GLTP: variants seen among roughly 807,000 people sequenced by gnomAD.
GLTP encodes glycolipid transfer protein.
In GLTP, 22 loss-of-function variants were observed where a neutral mutation model predicts 24.0. That is an observed-to-expected ratio of 0.92 (90% CI 0.65 to 1.31). GLTP has a LOEUF of 1.31. GLTP is among the 50% of genes most tolerant of loss of function. GLTP has a pLI of 0.00. For missense variants in GLTP, 224 were observed against 276.6 expected, an observed-to-expected ratio of 0.81 and a Z score of 1.35; for synonymous variants, 92 against 115.9, an observed-to-expected ratio of 0.79 and a Z score of 1.33.
chr12:109,864,875 G>A (rs1365164041), intron 1 of GLTP, among the ~76,000 whole-genome samples: 1 of 152,138 alleles, frequency 6.6e-6, no homozygotes, highest in African/African-American at 2.4e-5. Flanking sequence ...TTGAGGCAGA[G>A]TCTCACTCCG....
rs187778234 is a variant in GLTP at position 109,851,141 on chromosome 12, T to C, written c.*1414A>G. 1.3e-5 allele frequency: 2 copies of C among 152,730 alleles called. No homozygotes were observed. The highest frequency in any genetic ancestry group is 4.8e-5 in the African/African-American group (2 of 41,556). The allele number at this position is 152,730 out of a possible 1,614,324, so 9.5% of individuals were successfully genotyped here. On this transcript the variant is annotated 3_prime_UTR_variant, in exon 5 of 5. Coordinates refer to ENST00000318348, the MANE Select transcript of GLTP (RefSeq NM_016433.4). ...GTTAAGGTTAAGGCAGTGAGGCGTT[T>C]TCTTGGATCTTAGCAGCTGAAGGGT...
At chr12:109,869,081 C>G (rs540086283) in intron 1 of GLTP, among the ~76,000 whole-genome samples, 1 of 152,108 alleles carries the variant, frequency 6.6e-6, no homozygotes, top group Non-Finnish European at 1.5e-5. Flanking sequence ...GGGTGGATCA[C>G]TTGAGGCCAG....
In GLTP at chr12:109,857,423, G is replaced by A. The variant is rs538406082; in HGVS notation, c.296+103C>T. 11 of 1,329,734 alleles carry A rather than the reference G, an allele frequency of 8.3e-6. No individual in the cohort carries two copies. The highest frequency in any genetic ancestry group is 2.7e-4 in the Middle Eastern group (1 of 3,724). 82.4% of individuals were successfully genotyped at this position (1,329,734 alleles called of 1,614,324 possible). A position where few individuals can be genotyped will look rare whatever the true frequency, so the allele number is the denominator to read the frequency against. Reference sequence around the variant, plus strand: ...AACTAGCATCACACTGGAAGGGCTCGGAAGTGACCTTCCCAGCCTGAGCTG... The same window carrying A: ...AACTAGCATCACACTGGAAGGGCTCAGAAGTGACCTTCCCAGCCTGAGCTG... On this transcript the variant is annotated intron_variant, in intron 3 of 4. Coordinates refer to ENST00000318348, the MANE Select transcript of GLTP (RefSeq NM_016433.4). The surrounding 1 kb of genome is among the most constrained non-coding windows in gnomAD (Gnocchi z 4.3).
chr12:109,868,089 T>C (rs1490607582), intron 1 of GLTP, among the ~76,000 whole-genome samples: 2 of 152,274 alleles, frequency 1.3e-5, no homozygotes, highest in African/African-American at 4.8e-5. Context: ...ACTGCAGCTT[T>C]GACCTCCGAG....
chr12:109,876,015 T>C (rs1006329279), intron 1 of GLTP, among the ~76,000 whole-genome samples: 1 of 152,150 alleles, frequency 6.6e-6, no homozygotes, highest in Admixed American at 6.5e-5. Context: ...TGTCCAACAG[T>C]AGGGGCTTGG....
chr12:109,867,502 C>T (rs1868566769), intron 1 of GLTP, among the ~76,000 whole-genome samples: 1 of 152,112 alleles, frequency 6.6e-6, no homozygotes, highest in African/African-American at 2.4e-5. Context: ...GAATCTCCTG[C>T]AAAGAGAAGG....
intron 1 of GLTP, among the ~76,000 whole-genome samples, chr12:109,862,356 C>G (rs535156871): frequency 5.9e-5 from 9 of 152,184 alleles, no homozygotes; most frequent in Admixed American, 5.2e-4. Context: ...TCTTCCAGCA[C>G]TGCTACTGCT....
intron 1 of GLTP, among the ~76,000 whole-genome samples, chr12:109,864,894 G>A (rs1351659011): frequency 6.6e-6 from 1 of 151,934 alleles, no homozygotes; most frequent in Admixed American, 6.6e-5. Context: ...CGTTGCCCAG[G>A]CTGGAGTGCA....
chr12:109,863,036 G>A (rs539694449), intron 1 of GLTP, among the ~76,000 whole-genome samples: 1 of 152,280 alleles, frequency 6.6e-6, no homozygotes, highest in East Asian at 1.9e-4. Context: ...TGGGCAACAA[G>A]AGTGAAATTC....
chr12:109,854,525 C>T (rs1417194583), intron 4 of GLTP, among the ~76,000 whole-genome samples: 1 of 152,140 alleles, frequency 6.6e-6, no homozygotes, highest in Non-Finnish European at 1.5e-5. Flanking sequence ...TATTGAGGCT[C>T]AGGGAGGTAG....
In GLTP at chr12:109,880,400, C is replaced by A. The variant is rs755617575; in HGVS notation, c.-26G>T. The stretch of plus-strand genomic sequence containing the variant: ...TTCGGGGTCGAGGCCCGCGGTGATG[C>A]CCCAGCCGGCGCCGCGGGCGTCGAC... On this transcript the variant is annotated 5_prime_UTR_variant, in exon 1 of 5. Coordinates refer to ENST00000318348, the MANE Select transcript of GLTP (RefSeq NM_016433.4). This position sits in a 1 kb window ranked among gnomAD's most constrained non-coding sequence, Gnocchi z 5.1. 5.3e-6 allele frequency: 7 copies of A among 1,324,188 alleles called. No individual in the cohort carries two copies. The highest frequency in any genetic ancestry group is 1.4e-5 in the South Asian group (1 of 71,490). 82.0% of individuals were successfully genotyped at this position (1,324,188 alleles called of 1,614,324 possible). A position where few individuals can be genotyped will look rare whatever the true frequency, so the allele number is the denominator to read the frequency against.
At chr12:109,867,235 G>C (rs1483651695) in intron 1 of GLTP, among the ~76,000 whole-genome samples, 2 of 151,476 alleles carry the variant, frequency 1.3e-5, no homozygotes, top group Admixed American at 1.3e-4. Flanking sequence ...TGCAACCTCC[G>C]CCTCCCGAGC....
rs117709947 is a variant in GLTP at position 109,878,988 on chromosome 12, C to T, written c.103+1284G>A. Among the ~76,000 whole-genome samples the T allele has an allele frequency of 4.9e-4, 75 of 152,316 alleles. No individual in the cohort carries two copies. The East Asian group carries it at 0.013, about 25-fold the overall frequency. On this transcript the variant is annotated intron_variant, in intron 1 of 4. Coordinates refer to ENST00000318348, the MANE Select transcript of GLTP (RefSeq NM_016433.4). Reference sequence around the variant, plus strand: ...AAGACCTATTTGGCACTTACGGCCTCGGTACTTTACACACACCACCTCATC... The same window carrying T: ...AAGACCTATTTGGCACTTACGGCCTTGGTACTTTACACACACCACCTCATC...
chr12:109,869,721 G>A (rs1338102807), intron 1 of GLTP, among the ~76,000 whole-genome samples: 3 of 150,558 alleles, frequency 2.0e-5, no homozygotes, highest in Non-Finnish European at 3.0e-5. Context: ...CGCCTGCCTC[G>A]GCCTCCCAAA....
At chr12:109,854,930 A>G (rs1405339237) in intron 4 of GLTP, among the ~76,000 whole-genome samples, 1 of 152,192 alleles carries the variant, frequency 6.6e-6, no homozygotes, top group African/African-American at 2.4e-5. Flanking sequence ...CCTCGTTCTC[A>G]TGGCCGCCAG....
At chr12:109,867,234 C>T (rs1868557224) in intron 1 of GLTP, among the ~76,000 whole-genome samples, 3 of 151,866 alleles carry the variant, frequency 2.0e-5, no homozygotes, top group Admixed American at 1.3e-4. Flanking sequence ...CTGCAACCTC[C>T]GCCTCCCGAG....
At chr12:109,856,335 T>G (rs1473437326) in intron 3 of GLTP, among the ~76,000 whole-genome samples, 1 of 152,136 alleles carries the variant, frequency 6.6e-6, no homozygotes, top group East Asian at 1.9e-4. Context: ...GGGTGATGTT[T>G]TGAGAGCCAG....
intron 1 of GLTP, among the ~76,000 whole-genome samples, chr12:109,863,810 C>G (rs1169993466): frequency 6.6e-6 from 1 of 152,012 alleles, no homozygotes; most frequent in Non-Finnish European, 1.5e-5. Context: ...CAACCAAAGC[C>G]TTCCAGTGAA....
rs1892739640 is a variant in GLTP, at chr12:109,852,564, G to A, written c.621C>T (p.Tyr207=). The change falls in exon 5 of 5, where the codon TAC becomes TAT. Residue 207 remains tyrosine, a synonymous_variant. Transcript: ENST00000318348. ...CCAGCAGTGGGCATGCCTACACCTT[G>A]TAGTTAAGCTCAGCGTTCATCTGGG... ...MYTQMNAELN[Y]KV is the part of the protein sequence containing the mutation. 1 of 1,605,202 alleles carries A rather than the reference G, an allele frequency of 6.2e-7. No homozygotes were observed. Among genetic ancestry groups the A allele is most frequent in the East Asian group, 2.2e-5 (1 of 44,826 alleles).
Sources: allele counts gnomAD v4.1 joint callset (sites outside exome capture counted in the v4.1 genomes callset), GRCh38; gene constraint gnomAD v4.1.1; non-coding constraint Gnocchi (gnomAD v3.1); transcripts MANE v1.5; gene names NCBI Gene and HGNC (gene_info 2026-07-23, HGNC 2026-07-21).